The following COBL variants were observed in gnomAD, a reference collection of about 807,000 sequenced individuals.
COBL encodes protein cordon-bleu.
Under a neutral mutation model 98.8 loss-of-function variants are expected in COBL, and 51 were observed. The ratio of observed to expected loss-of-function variants is 0.52; its 90% CI spans 0.41 to 0.65. The LOEUF (loss-of-function observed/expected upper bound fraction) is 0.65. COBL is among the 30% of genes least tolerant of loss of function. The pLI, the probability that COBL is intolerant of heterozygous loss-of-function variation, is 0.00. For missense variants in COBL, 1,617 were observed against 1,617.5 expected (o/e 1.00, Z 0.01); for synonymous variants, 634 against 651.7 (o/e 0.97, Z 0.41).
intron 1 of COBL, among the ~76,000 whole-genome samples, chr7:51,293,296 A>C (rs1009916030): frequency 1.3e-5 from 2 of 152,228 alleles, no homozygotes; most frequent in Admixed American, 6.5e-5. Context: ...CCATACAAAA[A>C]CTATAAATGA....
chr7:51,238,407 A>G (rs929121388), intron 1 of COBL, among the ~76,000 whole-genome samples: 7 of 152,160 alleles, frequency 4.6e-5, no homozygotes, highest in Non-Finnish European at 1.0e-4. Flanking sequence ...AGCCCTCAGT[A>G]AATGACAGTA....
At chr7:51,237,547 A>AC (rs987565249) in intron 1 of COBL, among the ~76,000 whole-genome samples, 4 of 151,460 alleles carry the variant, frequency 2.6e-5, no homozygotes, top group African/African-American at 9.7e-5. Context: ...TTAAAAAAAA[A>AC]AAAAAAAAAC....
intron 8 of COBL, among the ~76,000 whole-genome samples, chr7:51,039,428 C>T (rs1265273274): frequency 2.0e-5 from 3 of 152,204 alleles, no homozygotes; most frequent in South Asian, 2.1e-4. Flanking sequence ...CCTGCTCCAT[C>T]GGGCCACACC....
chr7:51,083,138 G>A, intron 7 of COBL: 12 of 1,527,400 alleles, frequency 7.9e-6, no homozygotes, highest in South Asian at 1.2e-5. Flanking sequence ...TGTGTCGGGA[G>A]GAGGGTAGGG....
intron 5 of COBL, among the ~76,000 whole-genome samples, chr7:51,173,214 C>T (rs941755480): frequency 2.6e-5 from 4 of 152,104 alleles, no homozygotes; most frequent in Non-Finnish European, 5.9e-5. Flanking sequence ...CAGAGTCTCA[C>T]TCTGTTGCCC....
intron 1 of COBL, among the ~76,000 whole-genome samples, chr7:51,315,592 G>A (rs1001855476): frequency 2.0e-5 from 3 of 152,196 alleles, no homozygotes; most frequent in African/African-American, 7.2e-5. Context: ...CCATTTGCAA[G>A]ACTCATACAC....
At chr7:51,067,178 T>C (rs1792018084) in intron 7 of COBL, among the ~76,000 whole-genome samples, 1 of 152,234 alleles carries the variant, frequency 6.6e-6, no homozygotes, top group Admixed American at 6.5e-5. Flanking sequence ...CATACTGTCC[T>C]TGGCCTCATA....
At chr7:51,270,592 G>A (rs1350866363) in intron 1 of COBL, among the ~76,000 whole-genome samples, 1 of 152,206 alleles carries the variant, frequency 6.6e-6, no homozygotes, top group Non-Finnish European at 1.5e-5. Context: ...ATTCCTGGGA[G>A]AGACAACATA....
chr7:51,154,184 G>A (rs1010166698), intron 5 of COBL, among the ~76,000 whole-genome samples: 1 of 152,218 alleles, frequency 6.6e-6, no homozygotes. Flanking sequence ...GTTGGCCACA[G>A]TCAAGGGAGT....
In COBL at chr7:51,272,768, TTGG is replaced by T. The variant is rs1395561653; in HGVS notation, c.41+43822_41+43824del. On this transcript the variant is annotated intron_variant, in intron 1 of 12. Coordinates refer to ENST00000265136, the MANE Select transcript of COBL (RefSeq NM_015198.5). Reference sequence around the variant, plus strand: ...GCATTTCCACACCAAAGCTTGTACTTTGGGAGTCTCCCCATGTCTAAATTAAAG... The same window carrying T: ...GCATTTCCACACCAAAGCTTGTACTTGAGTCTCCCCATGTCTAAATTAAAG... Among the ~76,000 whole-genome samples, 5 of 152,316 alleles carry T rather than the reference TTGG, an allele frequency of 3.3e-5. No individual in the cohort carries two copies. In the East Asian group the frequency reaches 9.6e-4, roughly 29 times the overall value.
intron 6 of COBL, among the ~76,000 whole-genome samples, chr7:51,122,818 C>T (rs1016931061): frequency 6.6e-6 from 1 of 151,908 alleles, no homozygotes; most frequent in Non-Finnish European, 1.5e-5. Context: ...GTCTCTACTA[C>T]AAACACAAAA....
rs374744959 is a variant in COBL at position 51,190,953 on chromosome 7, G to A, written c.582C>T (p.His194=). ...ICAKCEVSPE[H]VVLLRDNIAG... Reference sequence around the variant, plus strand: ...CAATGTTGTCCCTGAGGAGAACCACGTGCTCTGGGCTGACCTCACACTTTG... The same window carrying A: ...CAATGTTGTCCCTGAGGAGAACCACATGCTCTGGGCTGACCTCACACTTTG... Residue 194 remains histidine (H), a synonymous_variant, in exon 4 of 13, where the codon CAC becomes CAT. Transcript: ENST00000265136. 35 of 1,614,050 alleles carry A rather than the reference G, an allele frequency of 2.2e-5. No homozygotes were observed. The Middle Eastern group carries it at 4.9e-4, about 23-fold the overall frequency.
intron 1 of COBL, among the ~76,000 whole-genome samples, chr7:51,286,895 T>G (rs1384054248): frequency 6.6e-6 from 1 of 152,148 alleles, no homozygotes; most frequent in Non-Finnish European, 1.5e-5. Flanking sequence ...TAAAAAAATA[T>G]GGTACATATA....
chr7:51,105,505 T>C (rs1486187785), intron 6 of COBL, among the ~76,000 whole-genome samples: 1 of 152,180 alleles, frequency 6.6e-6, no homozygotes, highest in African/African-American at 2.4e-5. Flanking sequence ...CCCCAGCACT[T>C]TGGGAGGCTG....
rs1430170597 is a variant in COBL at position 51,016,502 on chromosome 7, G to T, written c.*1049C>A. On this transcript the variant is annotated 3_prime_UTR_variant, in exon 13 of 13. Transcript: ENST00000265136. ...TTAGAGATATATATGAAAAACTACTGCTGTAGTTAGACCTCATTATAAATA... is the reference window on the plus strand; with the variant it reads ...TTAGAGATATATATGAAAAACTACTTCTGTAGTTAGACCTCATTATAAATA... The T allele has an allele frequency of 1.3e-5, 2 of 157,172 alleles. No homozygotes were observed. Among genetic ancestry groups the T allele is most frequent in the Non-Finnish European group, 2.8e-5 (2 of 71,688 alleles). 9.7% of individuals were successfully genotyped at this position (157,172 alleles called of 1,614,324 possible).
Position 51,151,489 on chromosome 7 carries a change from T to A in COBL, c.784-15158A>T, listed in dbSNP as rs145088840. ...TCCCCATAAGATATTAACAAGTGAC[T>A]GGTGTGGCTAAGAATGTAGAAGAAG... On this transcript the variant is annotated intron_variant, in intron 5 of 12. Transcript: ENST00000265136. Among the ~76,000 whole-genome samples the A allele has an allele frequency of 3.9e-5, 6 of 152,292 alleles. No homozygotes were observed. In the East Asian group the frequency reaches 1.2e-3, roughly 29 times the overall value.
rs1309412112 is a variant in COBL at position 51,172,469 on chromosome 7, C to A, written c.783+11633G>T. ...ATTAGTACTCACGTTCAAACCCCTT[C>A]CTGGGGCAGCCCTGGAGGTGTCCTC... is the stretch of plus-strand genomic sequence containing the variant. On this transcript the variant is annotated intron_variant, in intron 5 of 12. Coordinates refer to ENST00000265136, the MANE Select transcript of COBL (RefSeq NM_015198.5). The A allele has an allele frequency of 2.3e-6, 3 of 1,288,486 alleles. No homozygotes were observed. In the East Asian group the frequency reaches 1.7e-4, roughly 72 times the overall value. The allele number at this position is 1,288,486 out of a possible 1,614,324, so 79.8% of individuals were successfully genotyped here.
At chr7:51,141,675 G>T (rs553460404) in intron 5 of COBL, among the ~76,000 whole-genome samples, 1 of 151,846 alleles carries the variant, frequency 6.6e-6, no homozygotes, top group African/African-American at 2.4e-5. Context: ...AATCGAGTGG[G>T]AGGGAAGATT....
Position 51,206,400 on chromosome 7 carries a change from G to A in COBL, c.246-12811C>T, listed in dbSNP as rs1272405986. ...CCAGCTACTCGGAAGGCTGAGGCAG[G>A]AGAATTGCTTGAACCCAGGAGGCAA... On this transcript the variant is annotated intron_variant, in intron 2 of 12. Transcript: ENST00000265136. Among the ~76,000 whole-genome samples the A allele has an allele frequency of 3.3e-5, 5 of 151,416 alleles. No individual in the cohort carries two copies. In the East Asian group the frequency reaches 7.8e-4, roughly 24 times the overall value.
Sources: allele counts gnomAD v4.1 joint callset (sites outside exome capture counted in the v4.1 genomes callset), GRCh38; gene constraint gnomAD v4.1.1; transcripts MANE v1.5; gene names NCBI Gene and HGNC (gene_info 2026-07-23, HGNC 2026-07-21).